Variants in SPEN observed in about 807,000 individuals in gnomAD.
SPEN encodes the protein msx2-interacting protein.
SPEN carries 18 observed loss-of-function variants against 269.9 expected under a neutral mutation model. That is an observed-to-expected ratio of 0.07 (90% CI 0.05 to 0.10). The LOEUF is 0.10. Among genes scored for constraint, SPEN ranks in the 10% least tolerant of loss-of-function variants. The probability of loss-of-function intolerance (pLI) is 1.00; values close to 1 mark genes in which losing one functional copy is unlikely to be tolerated. For synonymous variants in SPEN, 1,726 were observed against 1,765.7 expected (o/e 0.98, Z 0.56); for missense variants, 3,822 against 4,631.2 (o/e 0.83, Z 5.07).
chr1:15,930,963 T>A lies in SPEN; in HGVS notation c.4723T>A (p.Ser1575Thr), dbSNP rs2071214285. 1.2e-6 allele frequency: 2 copies of A among 1,613,954 alleles called. No homozygotes were observed. Among genetic ancestry groups the A allele is most frequent in the African/African-American group, 2.7e-5 (2 of 74,896 alleles). ...TGAGGGAGCAAACAGCACAACTGAT[T>A]CCATTCAAGAACCAGTAGTTCTGTT... ...TSEGANSTTD[S>T]IQEPVVLFHS... The change falls in exon 11 of 15, where the codon TCC (serine) becomes ACC (threonine). Residue 1575 changes from serine to threonine, a missense_variant. Ser to Thr is a moderately conservative substitution (Grantham distance 58, BLOSUM62 1). Around this residue, in one of 16 missense-constraint regions of SPEN, gnomAD observed 533 missense variants for 618.8 expected, o/e 0.86. Transcript: ENST00000375759. This position sits in a 1 kb window ranked among gnomAD's most constrained non-coding sequence, Gnocchi z 5.3.
At chr1:15,877,389 C>T (rs1014326064) in intron 3 of SPEN, among the ~76,000 whole-genome samples, 3 of 151,988 alleles carry the variant, frequency 2.0e-5, no homozygotes, top group African/African-American at 7.2e-5. Context: ...CTGCCTCAGC[C>T]TCCCAAGTAG....
Position 15,898,002 on chromosome 1 carries a change from T to G in SPEN, c.882-11319T>G, listed in dbSNP as rs77222825. Reference sequence around the variant, plus strand: ...TCTGACTCATTGCCCTGATGTCATCTCTGAGGAAGTTTACCTGGGAAAGAC... The same window carrying G: ...TCTGACTCATTGCCCTGATGTCATCGCTGAGGAAGTTTACCTGGGAAAGAC... On this transcript the variant is annotated intron_variant, in intron 3 of 14. Coordinates refer to ENST00000375759, the MANE Select transcript of SPEN (RefSeq NM_015001.3). Among the ~76,000 whole-genome samples the G allele has an allele frequency of 9.1e-3, 1,388 of 152,244 alleles. 25 individuals carry two copies. The highest frequency in any genetic ancestry group is 0.032 in the African/African-American group (1,327 of 41,546).
chr1:15,855,990 C>CCTTTTTTTTTTTTTTTTTTTTTTTTTT lies in SPEN; in HGVS notation c.83+7840_83+7841insCTTTTTTTTTTTTTTTTTTTTTTTTTT, dbSNP rs370972899. On this transcript the variant is annotated intron_variant, in intron 1 of 14. Coordinates refer to ENST00000375759, the MANE Select transcript of SPEN (RefSeq NM_015001.3). ...TTATTGTGTGAAAAGGATGCTAGAA[C>CCTTTTTTTTTTTTTTTTTTTTTTTTTT]TTTTTTTTTTTTTTTTTTTTGAGAC... Among the ~76,000 whole-genome samples the CCTTTTTTTTTTTTTTTTTTTTTTTTTT allele has an allele frequency of 7.1e-5, 2 of 28,220 alleles. 1 individual carries two copies. 18.5% of individuals were successfully genotyped at this position (28,220 alleles called of 152,430 possible).
At chr1:15,859,692 T>G (rs991758869) in intron 1 of SPEN, among the ~76,000 whole-genome samples, 4 of 151,882 alleles carry the variant, frequency 2.6e-5, no homozygotes, top group Non-Finnish European at 5.9e-5. Context: ...TCATCACAGC[T>G]TTGTGTCTCA....
intron 5 of SPEN, among the ~76,000 whole-genome samples, chr1:15,913,614 A>C (rs376889245): frequency 1.3e-5 from 2 of 151,458 alleles, no homozygotes; most frequent in African/African-American, 4.8e-5. Context: ...ATGAGCCACC[A>C]TGCCTGACCA....
intron 1 of SPEN, among the ~76,000 whole-genome samples, chr1:15,855,587 C>T (rs2070378419): frequency 6.6e-6 from 1 of 151,978 alleles, no homozygotes; most frequent in Non-Finnish European, 1.5e-5. Context: ...CAGCTGGGTG[C>T]GGTGGCTCAT....
chr1:15,866,649 G>A (rs916301201), intron 1 of SPEN, among the ~76,000 whole-genome samples: 11 of 152,066 alleles, frequency 7.2e-5, no homozygotes, highest in African/African-American at 2.4e-4. Flanking sequence ...CACCGCGCCC[G>A]GCTGGAATAC....
Position 15,934,686 on chromosome 1 carries a change from C to T in SPEN, c.8446C>T (p.Leu2816Phe). ...TGTGAACACTTCTGAAGGGGTTGTG[C>T]TCCTGAGTTACTCAGGGCAGAAGAC... ...LRVNTSEGVV[L>F]LSYSGQKTEG... Residue 2816 changes from leucine (L) to phenylalanine (F), a missense_variant, in exon 11 of 15, where the codon CTC becomes TTC. This residue lies in a region of SPEN where 329 missense variants were observed against 431.2 expected (regional missense o/e 0.76). Coordinates refer to ENST00000375759, the MANE Select transcript of SPEN (RefSeq NM_015001.3). This position sits in a 1 kb window ranked among gnomAD's most constrained non-coding sequence, Gnocchi z 9.2. 6.2e-7 allele frequency: 1 copy of T among 1,614,208 alleles called. No individual in the cohort carries two copies. Among genetic ancestry groups the T allele is most frequent in the Non-Finnish European group, 8.5e-7 (1 of 1,180,038 alleles).
chr1:15,913,033 A>G (rs903887465), intron 5 of SPEN, among the ~76,000 whole-genome samples: 2 of 152,352 alleles, frequency 1.3e-5, no homozygotes, highest in African/African-American at 4.8e-5. Context: ...AAAGCTAACT[A>G]CTTTTCCCAG....
intron 3 of SPEN, among the ~76,000 whole-genome samples, chr1:15,880,051 A>C (rs1026403688): frequency 6.6e-6 from 1 of 152,162 alleles, no homozygotes; most frequent in Non-Finnish European, 1.5e-5. Context: ...ATTTCCACCT[A>C]AAAGGCCAGA....
chr1:15,931,514 A>G lies in SPEN; in HGVS notation c.5274A>G (p.Pro1758=). The G allele has an allele frequency of 1.2e-6, 2 of 1,614,110 alleles. No homozygotes were observed. The highest frequency in any genetic ancestry group is 1.1e-5 in the South Asian group (1 of 91,078). ...NVDPEPDSTQ[P]LSKPAQKSEE... is the part of the protein sequence containing the mutation. ...ATCCAGAGCCTGACAGTACCCAGCC[A>G]CTTTCAAAACCAGCTCAGAAGTCTG... Residue 1758 remains proline (P), a synonymous_variant, in exon 11 of 15, where the codon CCA becomes CCG. Transcript: ENST00000375759. The surrounding 1 kb of genome is among the most constrained non-coding windows in gnomAD (Gnocchi z 4.8).
intron 1 of SPEN, among the ~76,000 whole-genome samples, chr1:15,863,479 G>A (rs1374276966): frequency 6.6e-6 from 1 of 152,090 alleles, no homozygotes; most frequent in Non-Finnish European, 1.5e-5. Context: ...GTTGAATTAA[G>A]CTTATTCTTG....
At position 15,916,243 on chromosome 1, in the gene SPEN, C is replaced by A. The variant is rs767615251; in HGVS notation, c.1359C>A (p.Asp453Glu). The change falls in exon 6 of 15, where the codon GAC (aspartate) becomes GAA (glutamate). Residue 453 changes from aspartate (D) to glutamate (E), a missense_variant. Asp to Glu is a conservative substitution (Grantham distance 45). This residue lies in a region of SPEN where 230 missense variants were observed against 426.1 expected (regional missense o/e 0.54). Transcript: ENST00000375759. Reference protein sequence around the residue: ...GNLEKTTTYHDLRNIFQRFGE... With the variant: ...GNLEKTTTYHELRNIFQRFGE... ...TTGAAAAAACCACTACTTACCATGA[C>A]CTTCGCAACATCTTCCAGCGCTTTG... 6.2e-7 allele frequency: 1 copy of A among 1,613,416 alleles called. No homozygotes were observed. The highest frequency in any genetic ancestry group is 8.5e-7 in the Non-Finnish European group (1 of 1,179,806).
chr1:15,901,804 T>C (rs2070903699), intron 3 of SPEN, among the ~76,000 whole-genome samples: 1 of 152,112 alleles, frequency 6.6e-6, no homozygotes, highest in Admixed American at 6.5e-5. Flanking sequence ...TTATTGGGCT[T>C]TCATTTATTG....
chr1:15,928,770 C>G lies in SPEN; in HGVS notation c.2530C>G (p.Arg844Gly). The change falls in exon 11 of 15, where the codon CGA becomes GGA. Residue 844 changes from arginine to glycine, a missense_variant. Around this residue, in one of 16 missense-constraint regions of SPEN, gnomAD observed 572 missense variants for 582.6 expected, o/e 0.98. Coordinates refer to ENST00000375759, the MANE Select transcript of SPEN (RefSeq NM_015001.3). The surrounding 1 kb of genome is among the most constrained non-coding windows in gnomAD (Gnocchi z 5.7). ...TTCAGAAACGGACCAAGAAAATGAG[C>G]GAGAGCAAAGCCCTGAAAAGCCCAG... ...QSSETDQENE[R>G]EQSPEKPRSC... 6.2e-7 allele frequency: 1 copy of G among 1,613,934 alleles called. No individual in the cohort carries two copies.
rs72884202 is a variant in SPEN at position 15,925,608 on chromosome 1, T to C, written c.1851-2483T>C. 7.1e-3 allele frequency among the ~76,000 whole-genome samples: 1,074 copies of C among 151,670 alleles called. 21 individuals are homozygous for C. Among genetic ancestry groups the C allele is most frequent in the African/African-American group, 0.025 (1,017 of 41,422 alleles). On this transcript the variant is annotated intron_variant, in intron 10 of 14. Transcript: ENST00000375759. ...ATTTTTATTAAATTTTTTTTTTTTTTTGTAGAGATGGGGTCTTGCTGTGTT... is the reference window on the plus strand; with the variant it reads ...ATTTTTATTAAATTTTTTTTTTTTTCTGTAGAGATGGGGTCTTGCTGTGTT...
rs765427799 is a variant in SPEN, at chr1:15,935,206, C to T, written c.8966C>T (p.Ala2989Val). The T allele has an allele frequency of 6.2e-7, 1 of 1,614,136 alleles. No individual in the cohort carries two copies. Among genetic ancestry groups the T allele is most frequent in the South Asian group, 1.1e-5 (1 of 91,080 alleles). Residue 2989 changes from alanine to valine, a missense_variant, in exon 11 of 15, where the codon GCT becomes GTT. Ala to Val is a moderately conservative substitution (Grantham distance 64). Transcript: ENST00000375759. This position sits in a 1 kb window ranked among gnomAD's most constrained non-coding sequence, Gnocchi z 7.7. Reference sequence around the variant, plus strand: ...ACGCTCACGCCCCACCACCCTCCTGCTCTGCCCAGCAAACTGCCTACAGAA... The same window carrying T: ...ACGCTCACGCCCCACCACCCTCCTGTTCTGCCCAGCAAACTGCCTACAGAA... ...GSTLTPHHPP[A>V]LPSKLPTEVN...
chr1:15,888,905 C>T (rs922674527), intron 3 of SPEN, among the ~76,000 whole-genome samples: 2 of 152,088 alleles, frequency 1.3e-5, no homozygotes, highest in Admixed American at 6.6e-5. Flanking sequence ...GCTGGGATTA[C>T]AGGCATGAAC....
At position 15,848,264 on chromosome 1, in the gene SPEN, C is replaced by A; in HGVS notation, c.83+114C>A. Reference sequence around the variant, plus strand: ...CTGGTGAGGAGGACTCCGGCCCGGACCCACGGGCGCTGTGGGACCTCGTCA... The same window carrying A: ...CTGGTGAGGAGGACTCCGGCCCGGAACCACGGGCGCTGTGGGACCTCGTCA... On this transcript the variant is annotated intron_variant, in intron 1 of 14. Coordinates refer to ENST00000375759, the MANE Select transcript of SPEN (RefSeq NM_015001.3). The surrounding 1 kb of genome is among the most constrained non-coding windows in gnomAD (Gnocchi z 5.1). 2 of 611,644 alleles carry A rather than the reference C, an allele frequency of 3.3e-6. No individual in the cohort carries two copies. The highest frequency in any genetic ancestry group is 5.2e-5 in the South Asian group (1 of 19,096). The allele number at this position is 611,644 out of a possible 1,614,324, so 37.9% of individuals were successfully genotyped here.
Sources: gnomAD v4.1 joint callset for allele counts (sites outside exome capture counted in the v4.1 genomes callset) on GRCh38, gnomAD v4.1.1 for gene constraint, gnomAD v4.1.1 regional missense constraint, Gnocchi (gnomAD v3.1) non-coding constraint, MANE v1.5 for transcripts, NCBI Gene and HGNC (gene_info 2026-07-23, HGNC 2026-07-21) for gene names.